Variants in COMMD1 observed in about 807,000 individuals in gnomAD.
COMMD1 encodes copper metabolism domain containing 1, also known as COMM domain-containing protein 1.
A neutral mutation model predicts 17.2 loss-of-function variants in COMMD1; 10 were observed. The ratio of observed to expected loss-of-function variants is 0.58; its 90% CI spans 0.36 to 0.99. The LOEUF (loss-of-function observed/expected upper bound fraction) is 0.99. COMMD1 is among the 50% of genes least tolerant of loss of function. The pLI, the probability that COMMD1 is intolerant of heterozygous loss-of-function variation, is 0.01. For missense variants in COMMD1, 270 were observed against 231.8 expected (o/e 1.17, Z -1.07); for synonymous variants, 97 against 91.6 (o/e 1.06, Z -0.34).
chr2:62,115,082 T>G (rs1672553710), intron 2 of COMMD1, among the ~76,000 whole-genome samples: 1 of 152,256 alleles, frequency 6.6e-6, no homozygotes, highest in Non-Finnish European at 1.5e-5. Context: ...CAAAAAACTG[T>G]GAAGTTGCTT....
chr2:62,105,592 G>C (rs1322151474), intron 2 of COMMD1, among the ~76,000 whole-genome samples: 1 of 152,190 alleles, frequency 6.6e-6, no homozygotes, highest in East Asian at 1.9e-4. Flanking sequence ...GGGAGGCCAA[G>C]GCGAGTGGAT....
intron 1 of COMMD1, among the ~76,000 whole-genome samples, chr2:61,915,000 T>C (rs1306825943): frequency 2.1e-5 from 2 of 94,658 alleles, no homozygotes; most frequent in African/African-American, 9.2e-5. Flanking sequence ...TCCTTTCTTT[T>C]CTTTCCTTTT....
chr2:62,133,938 C>T (rs989738038), intron 2 of COMMD1, among the ~76,000 whole-genome samples: 41 of 152,194 alleles, frequency 2.7e-4, no homozygotes, highest in African/African-American at 8.2e-4. Flanking sequence ...ACTACAGGTG[C>T]GCACCACCAT....
chr2:62,123,529 A>G (rs1672807260), intron 2 of COMMD1, among the ~76,000 whole-genome samples: 2 of 151,046 alleles, frequency 1.3e-5, no homozygotes, highest in South Asian at 2.1e-4. Flanking sequence ...AAAGAAAAAA[A>G]AAAACAGGAA....
chr2:61,905,683 CG>C lies in COMMD1; in HGVS notation c.7del (p.Ala3ArgfsTer10). MAAGELEGGKPL... is the reference protein window; with the variant it reads MXAGELEGGKPL... ...GGGGCGGGGCCTTCGCAGAGCATGG[CG>C]GCGGGCGAGCTTGAGGGTGGCAAAC... On this transcript the variant is annotated frameshift_variant, in exon 1 of 3. Transcript: ENST00000311832. LOFTEE classifies it high-confidence loss of function. 6.4e-7 allele frequency: 1 copy of C among 1,557,954 alleles called. No homozygotes were observed. Among genetic ancestry groups the C allele is most frequent in the Non-Finnish European group, 8.7e-7 (1 of 1,149,024 alleles).
chr2:61,929,403 T>C (rs567576107), intron 1 of COMMD1, among the ~76,000 whole-genome samples: 3 of 152,330 alleles, frequency 2.0e-5, no homozygotes, highest in Non-Finnish European at 4.4e-5. Flanking sequence ...GCCCTTCTTA[T>C]ACCTAGAAGA....
At chr2:61,924,055 G>A (rs897380445) in intron 1 of COMMD1, among the ~76,000 whole-genome samples, 2 of 152,174 alleles carry the variant, frequency 1.3e-5, no homozygotes, top group African/African-American at 4.8e-5. Flanking sequence ...GGGATTACAG[G>A]TGTGAGCCAC....
At chr2:61,977,973 A>G (rs1411712877) in intron 1 of COMMD1, among the ~76,000 whole-genome samples, 1 of 151,656 alleles carries the variant, frequency 6.6e-6, no homozygotes, top group Non-Finnish European at 1.5e-5. Context: ...TGGGCAACAC[A>G]GGGAGATTCT....
chr2:61,915,251 C>T (rs545162793), intron 1 of COMMD1, among the ~76,000 whole-genome samples: 1 of 152,224 alleles, frequency 6.6e-6, no homozygotes, highest in South Asian at 2.1e-4. Flanking sequence ...AGTGAACCGC[C>T]TGCCTTGGCC....
intron 1 of COMMD1, among the ~76,000 whole-genome samples, chr2:61,897,993 G>T (rs531659895): frequency 6.6e-6 from 1 of 152,226 alleles, no homozygotes; most frequent in African/African-American, 2.4e-5. Flanking sequence ...TGAATTAATG[G>T]AATCTTCTTC....
intron 2 of COMMD1, among the ~76,000 whole-genome samples, chr2:62,116,461 C>A (rs1672605358): frequency 6.6e-6 from 1 of 152,098 alleles, no homozygotes; most frequent in Non-Finnish European, 1.5e-5. Context: ...CACCTGAGGT[C>A]AGGAGTTCAA....
intron 1 of COMMD1, among the ~76,000 whole-genome samples, chr2:61,985,155 A>G (rs1425752900): frequency 6.6e-6 from 1 of 150,454 alleles, no homozygotes; most frequent in Non-Finnish European, 1.5e-5. Context: ...GGTTAATGCC[A>G]TTCTCCTGCC....
intron 2 of COMMD1, among the ~76,000 whole-genome samples, chr2:62,125,618 G>T (rs1672865420): frequency 6.6e-6 from 1 of 152,066 alleles, no homozygotes; most frequent in Non-Finnish European, 1.5e-5. Context: ...TTTGTCAAAG[G>T]CTAAAGAAAA....
Position 61,894,566 on chromosome 2 carries a change from A to C in COMMD1, n.119+5724A>C, listed in dbSNP as rs554814662. Among the ~76,000 whole-genome samples the C allele has an allele frequency of 5.9e-5, 9 of 152,186 alleles. No homozygotes were observed. The East Asian group carries it at 7.7e-4, about 13-fold the overall frequency. On this transcript the variant is annotated intron_variant and non_coding_transcript_variant, in intron 1 of 2. Transcript: ENST00000472729. ...AAATGTGACGTAAATGTGGACTAGA[A>C]ACGTTTCAAGGAAAATTAAGAAAAT... is the stretch of plus-strand genomic sequence containing the variant.
chr2:61,977,763 G>C (rs529303615), intron 1 of COMMD1, among the ~76,000 whole-genome samples: 17,524 of 151,798 alleles, frequency 0.12, 2,427 homozygotes, highest in African/African-American at 0.33. Flanking sequence ...GAGACAGGCC[G>C]ATCACTTGAG....
At chr2:62,088,347 A>G (rs1197354245) in intron 2 of COMMD1, among the ~76,000 whole-genome samples, 2 of 152,142 alleles carry the variant, frequency 1.3e-5, no homozygotes, top group Non-Finnish European at 2.9e-5. Context: ...AAAAACTCAG[A>G]TCTACATGTT....
chr2:61,894,300 C>T (rs951648628), intron 1 of COMMD1, among the ~76,000 whole-genome samples: 20 of 152,032 alleles, frequency 1.3e-4, no homozygotes, highest in African/African-American at 4.6e-4. Context: ...TGGGTTTTTG[C>T]CATGTTGGCC....
At chr2:61,932,898 G>C (rs1670505514) in intron 1 of COMMD1, among the ~76,000 whole-genome samples, 1 of 152,196 alleles carries the variant, frequency 6.6e-6, no homozygotes, top group Non-Finnish European at 1.5e-5. Context: ...CCTGTCCAGG[G>C]ATGACCAAGT....
chr2:61,905,724 C>T lies in COMMD1; in HGVS notation c.46C>T (p.Leu16=), dbSNP rs1669754616. 1 of 1,609,292 alleles carries T rather than the reference C, an allele frequency of 6.2e-7. No individual in the cohort carries two copies. Among genetic ancestry groups the T allele is most frequent in the Non-Finnish European group, 8.5e-7 (1 of 1,177,594 alleles). ...GGGTGGCAAACCCCTGAGCGGGCTG[C>T]TGAATGCGCTGGCCCAGGACACTTT... ...LEGGKPLSGL[L]NALAQDTFHG... Residue 16 remains leucine, a synonymous_variant, in exon 1 of 3, where the codon CTG becomes TTG. Coordinates refer to ENST00000311832, the MANE Select transcript of COMMD1 (RefSeq NM_152516.4).
Sources: allele counts gnomAD v4.1 joint callset (sites outside exome capture counted in the v4.1 genomes callset), GRCh38; gene constraint gnomAD v4.1.1; transcripts MANE v1.5; gene names NCBI Gene and HGNC (gene_info 2026-07-23, HGNC 2026-07-21).